Variants in TRPV1 observed in about 807,000 individuals in gnomAD.
TRPV1 encodes the protein transient receptor potential cation channel subfamily V member 1, also known as OTRPC1.
Under a neutral mutation model 82.3 loss-of-function variants are expected in TRPV1, and 82 were observed. The ratio of observed to expected loss-of-function variants is 1.00; its 90% CI spans 0.83 to 1.20. The LOEUF is 1.20. TRPV1 is among the 50% of genes most tolerant of loss of function. The probability of loss-of-function intolerance (pLI) is 0.00; values close to 1 mark genes in which losing one functional copy is unlikely to be tolerated. For missense variants in TRPV1, 1,067 were observed against 1,096.8 expected (o/e 0.97, Z 0.38); for synonymous variants, 515 against 467.7 (o/e 1.10, Z -1.30).
chr17:3,589,987 C>T lies in TRPV1; in HGVS notation c.864G>A (p.Val288=), dbSNP rs200920328. The T allele has an allele frequency of 5.8e-6, 9 of 1,560,536 alleles. No homozygotes were observed. The Admixed American group carries it at 9.7e-5, about 17-fold the overall frequency. Residue 288 remains valine (V), a synonymous_variant, in exon 7 of 17, where the codon GTG becomes GTA. Transcript: ENST00000572705. ...CGGCCACCTCCACCAGGGCGTGCAG[C>T]ACCGTGTTGCCCACCGAGTCCCTGG... ...ISARDSVGNT[V]LHALVEVADN... is the part of the protein sequence containing the mutation.
chr17:3,576,675 A>ATATATATATATATG (rs2074935374), intron 13 of TRPV1, among the ~76,000 whole-genome samples: 6 of 108,786 alleles, frequency 5.5e-5, no homozygotes, highest in African/African-American at 9.8e-5. Flanking sequence ...AAAAATATAT[A>ATATATATATATATG]TATATATATA....
rs200063236 is a variant in TRPV1, at chr17:3,572,189, G to A, written c.2164C>T (p.Arg722Cys). ...SFLKCMRKAF[R>C]SGKLLQVGYT... ...CCCACCTGCAGCAGCTTGCCTGAGCGGAAGGCCTTCCTCATGCACTTAAGG... is the reference window on the plus strand; with the variant it reads ...CCCACCTGCAGCAGCTTGCCTGAGCAGAAGGCCTTCCTCATGCACTTAAGG... Residue 722 changes from arginine (R) to cysteine (C), a missense_variant, in exon 15 of 17, where the codon CGC becomes TGC. Transcript: ENST00000572705. 5.6e-6 allele frequency: 9 copies of A among 1,613,098 alleles called. No homozygotes were observed. Among genetic ancestry groups the A allele is most frequent in the South Asian group, 1.1e-5 (1 of 90,834 alleles).
At chr17:3,592,039 G>A (rs750365784) in intron 3 of TRPV1, 28 bp downstream of exon 3, 3 of 1,600,926 alleles carry the variant, frequency 1.9e-6, no homozygotes, top group Admixed American at 3.4e-5. Context: ...GCTCCCAGCA[G>A]GGAGGGGGGC....
chr17:3,591,226 G>T lies in TRPV1; in HGVS notation c.412C>A (p.Gln138Lys). The stretch of plus-strand genomic sequence containing the variant: ...TCTGTGAGGTGCTTCTTGCTCTTCT[G>T]CAGGAAGAGCAGCAGGCTCTCCAGA... Reference protein sequence around the residue: ...QDLESLLLFLQKSKKHLTDNE... With the variant: ...QDLESLLLFLKKSKKHLTDNE... The change falls in exon 4 of 17, where the codon CAG becomes AAG. Residue 138 changes from glutamine to lysine, a missense_variant. Gln to Lys is a moderately conservative substitution (Grantham distance 53). Coordinates refer to ENST00000572705, the MANE Select transcript of TRPV1 (RefSeq NM_080704.4). 1 of 1,612,694 alleles carries T rather than the reference G, an allele frequency of 6.2e-7. No individual in the cohort carries two copies. Among genetic ancestry groups the T allele is most frequent in the Non-Finnish European group, 8.5e-7 (1 of 1,179,544 alleles).
At chr17:3,593,081 CGT>C (rs57419633) in intron 2 of TRPV1, among the ~76,000 whole-genome samples, 10 of 112,896 alleles carry the variant, frequency 8.9e-5, no homozygotes, top group African/African-American at 4.4e-4. Context: ...AATGTTTAGG[CGT>C]GTGTGTGTGT....
chr17:3,571,384 C>T, intron 16 of TRPV1, 140 bp downstream of exon 16: 1 of 636,892 alleles, frequency 1.6e-6, no homozygotes, highest in Non-Finnish European at 2.8e-6. Context: ...GTGCTCATGG[C>T]CGACGTCAGG....
chr17:3,582,632 G>T (rs893113189), intron 10 of TRPV1, among the ~76,000 whole-genome samples: 1 of 151,126 alleles, frequency 6.6e-6, no homozygotes. Context: ...AAATGGCCAA[G>T]GATTGCACAT....
intron 7 of TRPV1, chr17:3,588,997 A>C: frequency 6.5e-7 from 1 of 1,529,172 alleles, no homozygotes; most frequent in Non-Finnish European, 8.8e-7. Flanking sequence ...AGAATGCAAG[A>C]AATGAGAGCC....
At chr17:3,589,209 C>CTTT (rs11400955) in intron 7 of TRPV1, among the ~76,000 whole-genome samples, 19 of 137,624 alleles carry the variant, frequency 1.4e-4, no homozygotes, top group African/African-American at 1.9e-4. Flanking sequence ...TTTCTTTTTC[C>CTTT]TTTTTTTTTT....
chr17:3,579,383 G>A (rs1235897574), intron 11 of TRPV1, among the ~76,000 whole-genome samples: 1 of 152,134 alleles, frequency 6.6e-6, no homozygotes, highest in Non-Finnish European at 1.5e-5. Context: ...CGAGATCCCA[G>A]GAGACAGGTC....
At chr17:3,571,021 T>C (rs549948017) in intron 16 of TRPV1, among the ~76,000 whole-genome samples, 7 of 152,308 alleles carry the variant, frequency 4.6e-5, no homozygotes, top group Non-Finnish European at 1.0e-4. Flanking sequence ...CCGGCCTCCT[T>C]GGGGTTTTTC....
chr17:3,574,917 CAAAAA>C (rs55990804), intron 13 of TRPV1, among the ~76,000 whole-genome samples: 4 of 82,926 alleles, frequency 4.8e-5, no homozygotes, highest in Non-Finnish European at 7.2e-5. Context: ...GACTCTATCT[CAAAAA>C]AAAAAAAAAA....
In TRPV1 at chr17:3,569,999, G is replaced by C. The variant is rs183280064; in HGVS notation, c.2347+1525C>G. On this transcript the variant is annotated intron_variant, in intron 16 of 16. Transcript: ENST00000572705. Reference sequence around the variant, plus strand: ...GAGGGGCCAAGCGGTCAGGGAGGAGGGGCCAAGCGGTCAGGGAGGAGGGGC... The same window carrying C: ...GAGGGGCCAAGCGGTCAGGGAGGAGCGGCCAAGCGGTCAGGGAGGAGGGGC... Among the ~76,000 whole-genome samples the C allele has an allele frequency of 6.7e-3, 1,004 of 149,286 alleles. 6 individuals carry two copies. Among genetic ancestry groups the C allele is most frequent in the African/African-American group, 0.023 (941 of 40,490 alleles).
chr17:3,577,809 G>A lies in TRPV1; in HGVS notation c.1548-46C>T, dbSNP rs775077926. The A allele has an allele frequency of 1.2e-5, 18 of 1,547,830 alleles. No homozygotes were observed. In the South Asian group the frequency reaches 2.0e-4, roughly 17 times the overall value. ...AGCTCCGTCTACGGGAACCCAGGAG[G>A]CCTGGCACCCCCAGAACAAAAGGTC... On this transcript the variant is annotated intron_variant, in intron 11 of 16. Transcript: ENST00000572705.
chr17:3,567,754 C>T (rs538359702), intron 16 of TRPV1, among the ~76,000 whole-genome samples: 12 of 147,924 alleles, frequency 8.1e-5, no homozygotes, highest in East Asian at 5.9e-4. Flanking sequence ...ACAGCCTGGG[C>T]GACAGAACAA....
At chr17:3,590,899 AAC>A in intron 5 of TRPV1, 63 bp downstream of exon 5, 1 of 1,480,686 alleles carries the variant, frequency 6.8e-7, no homozygotes, top group African/African-American at 1.5e-5. Flanking sequence ...GCCCAGGGAC[AAC>A]CATGCCCCCC....
chr17:3,582,204 A>AAAAAAAAAAAAAAAAAAAAAAAAAC (rs2075029768), intron 10 of TRPV1, among the ~76,000 whole-genome samples: 1 of 144,828 alleles, frequency 6.9e-6, no homozygotes, highest in Non-Finnish European at 1.5e-5. Flanking sequence ...AAAAAAAAAA[A>AAAAAAAAAAAAAAAAAAAAAAAAAC]AAAAAAAAAA....
chr17:3,585,904 A>G lies in TRPV1; in HGVS notation c.1247T>C (p.Val416Ala). The G allele has an allele frequency of 6.2e-7, 1 of 1,613,948 alleles. No homozygotes were observed. The highest frequency in any genetic ancestry group is 1.1e-5 in the South Asian group (1 of 91,072). The change falls in exon 9 of 17, where the codon GTG (valine) becomes GCG (alanine). Residue 416 changes from valine (V) to alanine (A), a missense_variant. By Grantham distance (64) the Val-to-Ala change is moderately conservative. Coordinates refer to ENST00000572705, the MANE Select transcript of TRPV1 (RefSeq NM_080704.4). Reference sequence around the variant, plus strand: ...CTGCAGGAGTCGGTTCAGCGGCTCCACCAAGAGCATGTCGTGGCGATTCTA... The same window carrying G: ...CTGCAGGAGTCGGTTCAGCGGCTCCGCCAAGAGCATGTCGTGGCGATTCTA... ...ETPNRHDMLL[V>A]EPLNRLLQDK...
intron 2 of TRPV1, among the ~76,000 whole-genome samples, chr17:3,600,780 CTGCCGGGACTCCCTGGCTGCTCT>C (rs1247198336): frequency 3.9e-5 from 6 of 152,182 alleles, no homozygotes; most frequent in Non-Finnish European, 2.9e-5. Flanking sequence ...CTGGCCACTC[CTGCCGGGACTCCCTGGCTGCTCT>C]CCTCTTCTTG....
Sources: allele counts gnomAD v4.1 joint callset (sites outside exome capture counted in the v4.1 genomes callset), GRCh38; gene constraint gnomAD v4.1.1; transcripts MANE v1.5; gene names NCBI Gene and HGNC (gene_info 2026-07-23, HGNC 2026-07-21).